Variants in GRID2 observed in about 807,000 individuals in gnomAD.
GRID2 encodes the protein glutamate ionotropic receptor delta type subunit 2.
Under a neutral mutation model 114.8 loss-of-function variants are expected in GRID2, and 33 were observed. The ratio of observed to expected loss-of-function variants is 0.29; its 90% CI spans 0.22 to 0.38. The LOEUF (loss-of-function observed/expected upper bound fraction) is 0.38, where lower values mean the gene tolerates loss of function less well. GRID2 is among the 10% of genes least tolerant of loss of function. The pLI is 1.00. For synonymous variants in GRID2, 505 were observed against 449.9 expected, an observed-to-expected ratio of 1.12 and a Z score of -1.55; for missense variants, 1,184 against 1,257.7, an observed-to-expected ratio of 0.94 and a Z score of 0.89.
At chr4:93,605,221 GTTAAAA>G (rs1215095866) in intron 13 of GRID2, among the ~76,000 whole-genome samples, 1 of 152,088 alleles carries the variant, frequency 6.6e-6, no homozygotes, top group Non-Finnish European at 1.5e-5. Context: ...ATTTAAATGT[GTTAAAA>G]TTAAATAAAA....
At position 92,539,232 on chromosome 4, in the gene GRID2, T is replaced by G. The variant is rs150739514; in HGVS notation, c.89-50899T>G. ...ATACGATTTGCAGTTCAATATAGTG[T>G]GTACTCTATTTGTTTCTAGACTTGA... On this transcript the variant is annotated intron_variant, in intron 1 of 15. Transcript: ENST00000282020. Among the ~76,000 whole-genome samples, 278 of 152,270 alleles carry G rather than the reference T, an allele frequency of 1.8e-3. 9 individuals carry two copies. In the East Asian group the frequency reaches 0.049, roughly 27 times the overall value.
At chr4:93,021,308 T>C (rs1723263102) in intron 2 of GRID2, among the ~76,000 whole-genome samples, 2 of 151,086 alleles carry the variant, frequency 1.3e-5, no homozygotes, top group Admixed American at 6.6e-5. Context: ...CTAAAACTAC[T>C]TTGCTAAACA....
intron 2 of GRID2, among the ~76,000 whole-genome samples, chr4:92,860,186 A>G (rs1431584235): frequency 1.3e-5 from 2 of 152,090 alleles, no homozygotes; most frequent in Non-Finnish European, 2.9e-5. Context: ...AGAACTCAAC[A>G]TTATAATTTA....
In GRID2 at chr4:93,740,791, A is replaced by C. The variant is rs369648371; in HGVS notation, c.2361-28419A>C. Reference sequence around the variant, plus strand: ...GGATAGTACAATACAGTGATAATTCACCTCTCTGTATAGTCTACTTGGGGG... The same window carrying C: ...GGATAGTACAATACAGTGATAATTCCCCTCTCTGTATAGTCTACTTGGGGG... On this transcript the variant is annotated intron_variant, in intron 14 of 15. Coordinates refer to ENST00000282020, the MANE Select transcript of GRID2 (RefSeq NM_001510.4). Among the ~76,000 whole-genome samples, 3 of 151,348 alleles carry C rather than the reference A, an allele frequency of 2.0e-5. No individual in the cohort carries two copies. In the East Asian group the frequency reaches 5.8e-4, roughly 29 times the overall value.
intron 14 of GRID2, among the ~76,000 whole-genome samples, chr4:93,628,717 G>A (rs1233799972): frequency 1.3e-5 from 2 of 151,196 alleles, no homozygotes; most frequent in African/African-American, 2.4e-5. Flanking sequence ...ATGGTTAATT[G>A]GCTTTTTCAT....
chr4:92,880,694 AAC>A (rs1456871349), intron 2 of GRID2, among the ~76,000 whole-genome samples: 3 of 152,170 alleles, frequency 2.0e-5, no homozygotes, highest in Admixed American at 6.5e-5. Flanking sequence ...ATAAGAAAAA[AAC>A]ACAACAATTT....
At chr4:92,378,833 A>G (rs1206679525) in intron 1 of GRID2, among the ~76,000 whole-genome samples, 3 of 152,020 alleles carry the variant, frequency 2.0e-5, no homozygotes, top group Non-Finnish European at 4.4e-5. Flanking sequence ...ATGCTGTCTT[A>G]TGATTTTGCT....
In GRID2 at chr4:93,578,587, A is replaced by ATTTTTTTTTTTTTT. The variant is rs59397408; in HGVS notation, c.2194-47671_2194-47658dup. 1.0e-3 allele frequency among the ~76,000 whole-genome samples: 88 copies of ATTTTTTTTTTTTTT among 83,920 alleles called. 2 individuals are homozygous for ATTTTTTTTTTTTTT. Among genetic ancestry groups the ATTTTTTTTTTTTTT allele is most frequent in the African/African-American group, 2.6e-3 (50 of 19,318 alleles). 55.1% of individuals were successfully genotyped at this position (83,920 alleles called of 152,430 possible). A position where few individuals can be genotyped will look rare whatever the true frequency, so the allele number is the denominator to read the frequency against. On this transcript the variant is annotated intron_variant, in intron 13 of 15. Coordinates refer to ENST00000282020, the MANE Select transcript of GRID2 (RefSeq NM_001510.4). ...AAAAGAACCTTGTCTTGTTTTTTGT[A>ATTTTTTTTTTTTTT]TTTTTTTTTTTTTTTTTTTTTTTTG...
chr4:92,993,224 G>A (rs1342028035), intron 2 of GRID2, among the ~76,000 whole-genome samples: 1 of 148,668 alleles, frequency 6.7e-6, no homozygotes, highest in African/African-American at 2.5e-5. Context: ...CAAGATGATT[G>A]GTATAAAATT....
At chr4:93,621,744 C>T (rs1742233213) in intron 13 of GRID2, among the ~76,000 whole-genome samples, 1 of 152,132 alleles carries the variant, frequency 6.6e-6, no homozygotes, top group South Asian at 2.1e-4. Context: ...AGGCCAGGGC[C>T]ATTTTTAAAA....
At position 92,932,320 on chromosome 4, in the gene GRID2, T is replaced by C. The variant is rs150066827; in HGVS notation, c.245-152675T>C. On this transcript the variant is annotated intron_variant, in intron 2 of 15. Transcript: ENST00000282020. Reference sequence around the variant, plus strand: ...GCTAATATCATTAGACAAATGCAAATTAAAACCACAAGATAAGGTTTTGCA... The same window carrying C: ...GCTAATATCATTAGACAAATGCAAACTAAAACCACAAGATAAGGTTTTGCA... 8.6e-5 allele frequency among the ~76,000 whole-genome samples: 13 copies of C among 151,346 alleles called. No homozygotes were observed. In the East Asian group the frequency reaches 2.5e-3, roughly 29 times the overall value.
chr4:93,607,606 G>T (rs1198654526), intron 13 of GRID2, among the ~76,000 whole-genome samples: 2 of 152,114 alleles, frequency 1.3e-5, no homozygotes, highest in Non-Finnish European at 2.9e-5. Flanking sequence ...AATTTGAATA[G>T]ATGTTGCTTT....
At chr4:93,771,250 T>C (rs1734082836) in intron 15 of GRID2, among the ~76,000 whole-genome samples, 1 of 152,180 alleles carries the variant, frequency 6.6e-6, no homozygotes, top group South Asian at 2.1e-4. Context: ...TATCAATGGG[T>C]TTCAATTCCA....
intron 1 of GRID2, among the ~76,000 whole-genome samples, chr4:92,492,094 A>G (rs1359888345): frequency 6.6e-6 from 1 of 152,304 alleles, no homozygotes; most frequent in East Asian, 1.9e-4. Context: ...CTATCCTAAA[A>G]GGCTTTGTAT....
chr4:93,188,018 A>T (rs1740605971), intron 4 of GRID2, among the ~76,000 whole-genome samples: 1 of 152,206 alleles, frequency 6.6e-6, no homozygotes, highest in Non-Finnish European at 1.5e-5. Context: ...GAATGCAACC[A>T]GTATTGCAGC....
intron 1 of GRID2, among the ~76,000 whole-genome samples, chr4:92,405,201 A>G (rs1293108744): frequency 2.6e-5 from 4 of 152,190 alleles, no homozygotes; most frequent in African/African-American, 9.6e-5. Context: ...ACTGCTTTGC[A>G]TTTCCATCCA....
chr4:93,512,006 C>A (rs562862375), intron 12 of GRID2, among the ~76,000 whole-genome samples: 1 of 151,774 alleles, frequency 6.6e-6, no homozygotes, highest in Non-Finnish European at 1.5e-5. Flanking sequence ...AGGCTGGTCT[C>A]GAACTCCTGA....
intron 2 of GRID2, among the ~76,000 whole-genome samples, chr4:92,619,071 T>A (rs1413283056): frequency 6.6e-6 from 1 of 151,692 alleles, no homozygotes; most frequent in East Asian, 2.0e-4. Context: ...TTTTTAAGCC[T>A]GGATATCTAG....
chr4:93,120,073 G>A (rs1316362255), intron 4 of GRID2, among the ~76,000 whole-genome samples: 2 of 152,134 alleles, frequency 1.3e-5, no homozygotes, highest in Non-Finnish European at 2.9e-5. Context: ...TTAGAATGGC[G>A]ATCATTAAAA....
Sources: gnomAD v4.1 joint callset for allele counts (sites outside exome capture counted in the v4.1 genomes callset) on GRCh38, gnomAD v4.1.1 for gene constraint, MANE v1.5 for transcripts, NCBI Gene and HGNC (gene_info 2026-07-23, HGNC 2026-07-21) for gene names.